Variants in TEX14 observed in about 807,000 individuals in gnomAD.
TEX14 encodes the protein inactive serine/threonine-protein kinase TEX14.
Under a neutral mutation model 178.6 loss-of-function variants are expected in TEX14, and 168 were observed. The observed-to-expected ratio is 0.94, with a 90% CI of 0.83 to 1.07. The LOEUF (loss-of-function observed/expected upper bound fraction) is 1.07. TEX14 is among the 50% of genes least tolerant of loss of function. The pLI, the probability that TEX14 is intolerant of heterozygous loss-of-function variation, is 0.00. For missense variants in TEX14, 1,730 were observed against 1,753.6 expected, an observed-to-expected ratio of 0.99 and a Z score of 0.24; for synonymous variants, 626 against 634.1, an observed-to-expected ratio of 0.99 and a Z score of 0.19.
intron 1 of TEX14, chr17:58,661,307 C>A (rs1174071383): frequency 1.2e-6 from 1 of 826,768 alleles, no homozygotes; most frequent in African/African-American, 1.7e-5. Flanking sequence ...TAGACGCTTA[C>A]GGGGGTTGAC....
In TEX14 at chr17:58,627,422, G is replaced by C. The variant is rs532918528; in HGVS notation, c.251+3018C>G. 2.0e-5 allele frequency among the ~76,000 whole-genome samples: 3 copies of C among 152,176 alleles called. No homozygotes were observed. In the South Asian group the frequency reaches 6.2e-4, roughly 32 times the overall value. On this transcript the variant is annotated intron_variant, in intron 3 of 31. Coordinates refer to ENST00000349033, the MANE Select transcript of TEX14 (RefSeq NM_031272.5). ...CATACAGAATATGAAAGTGATGATGGTCATGACTATATCACTCAAGGCGAT... is the reference window on the plus strand; with the variant it reads ...CATACAGAATATGAAAGTGATGATGCTCATGACTATATCACTCAAGGCGAT...
intron 15 of TEX14, among the ~76,000 whole-genome samples, chr17:58,590,963 C>T (rs533694264): frequency 2.0e-5 from 3 of 151,706 alleles, no homozygotes; most frequent in East Asian, 3.9e-4. Context: ...TTACACATAT[C>T]GTAATTGTCA....
rs533823539 is a variant in TEX14 at position 58,558,275 on chromosome 17, C to A, written c.4268-425G>T. ...GAACAAACAAGGAATGTCAAGGCAT[C>A]CAGTGATTAGCAGCAGTGGGAAGCC... On this transcript the variant is annotated intron_variant, in intron 30 of 31. Coordinates refer to ENST00000349033, the MANE Select transcript of TEX14 (RefSeq NM_031272.5). Among the ~76,000 whole-genome samples the A allele has an allele frequency of 6.5e-4, 99 of 152,262 alleles. 2 individuals are homozygous for A. The South Asian group carries it at 0.015, about 23-fold the overall frequency.
chr17:58,635,955 G>C (rs980191408), intron 2 of TEX14, among the ~76,000 whole-genome samples: 1 of 152,120 alleles, frequency 6.6e-6, no homozygotes, highest in East Asian at 1.9e-4. Flanking sequence ...ATGTTGCCCA[G>C]GCTGGTCTTG....
rs771425209 is a variant in TEX14 at position 58,557,048 on chromosome 17, C to T, written c.4320-1G>A. 11 of 1,613,608 alleles carry T rather than the reference C, an allele frequency of 6.8e-6. No individual in the cohort carries two copies. Among genetic ancestry groups the T allele is most frequent in the Non-Finnish European group, 8.5e-6 (10 of 1,179,602 alleles). ...GTCACTCTGATCCAGCACGATTATCCTATGCACATGTTTTTTAAAGAACAA... is the reference window on the plus strand; with the variant it reads ...GTCACTCTGATCCAGCACGATTATCTTATGCACATGTTTTTTAAAGAACAA... On this transcript the variant is annotated splice_acceptor_variant, in intron 31 of 31. Coordinates refer to ENST00000349033, the MANE Select transcript of TEX14 (RefSeq NM_031272.5). LOFTEE classifies it high-confidence loss of function.
intron 2 of TEX14, among the ~76,000 whole-genome samples, chr17:58,650,399 T>A (rs2046815956): frequency 6.6e-6 from 1 of 152,030 alleles, no homozygotes; most frequent in Admixed American, 6.6e-5. Flanking sequence ...TATGTGGATA[T>A]GTTATGGAGT....
At chr17:58,683,530 A>G (rs1262886310) in intron 1 of TEX14, among the ~76,000 whole-genome samples, 1 of 152,108 alleles carries the variant, frequency 6.6e-6, no homozygotes, top group African/African-American at 2.4e-5. Context: ...TGGGAGGCTG[A>G]GGCAGGCGGA....
intron 5 of TEX14, among the ~76,000 whole-genome samples, chr17:58,618,287 A>G (rs1293236503): frequency 6.6e-6 from 1 of 152,234 alleles, no homozygotes; most frequent in Non-Finnish European, 1.5e-5. Flanking sequence ...GGAAATAACC[A>G]TAAGCACATC....
intron 1 of TEX14, among the ~76,000 whole-genome samples, chr17:58,690,379 T>TG (rs1173004805): frequency 6.6e-6 from 1 of 152,186 alleles, no homozygotes; most frequent in East Asian, 1.9e-4. Context: ...TTGCCCAGGC[T>TG]GGTCTCAAAC....
chr17:58,613,428 T>C lies in TEX14; in HGVS notation c.998A>G (p.His333Arg). The stretch of plus-strand genomic sequence containing the variant: ...ACGGAAACAGCAGTTTACTCGTTCA[T>C]GAAGGACACTGAACAATGTGCCGAT... ...ITIGTLFSVL[H>R]ERRSQFPVLH... The change falls in exon 9 of 32, where the codon CAT (histidine) becomes CGT (arginine). Residue 333 changes from histidine (H) to arginine (R), a missense_variant. Physicochemically the swap from His to Arg is conservative, Grantham distance 29. This residue lies in a region of TEX14 where 789 missense variants were observed against 681.2 expected (regional missense o/e 1.16). Transcript: ENST00000349033. The C allele has an allele frequency of 1.2e-6, 2 of 1,614,052 alleles. No individual in the cohort carries two copies. Among genetic ancestry groups the C allele is most frequent in the Non-Finnish European group, 8.5e-7 (1 of 1,179,958 alleles).
At chr17:58,640,644 T>TGTGAGAGA (rs1555577606) in intron 2 of TEX14, among the ~76,000 whole-genome samples, 1 of 147,052 alleles carries the variant, frequency 6.8e-6, no homozygotes, top group African/African-American at 2.5e-5. Flanking sequence ...TGTGTGTGTG[T>TGTGAGAGA]GAGAGAGAGA....
intron 19 of TEX14, among the ~76,000 whole-genome samples, chr17:58,583,238 ATCC>A (rs757355837): frequency 6.6e-6 from 1 of 151,986 alleles, no homozygotes; most frequent in Non-Finnish European, 1.5e-5. Context: ...GACTCAGGTG[ATCC>A]TCCCACTTCA....
chr17:58,668,979 T>C (rs1041674057), intron 1 of TEX14, among the ~76,000 whole-genome samples: 2 of 152,140 alleles, frequency 1.3e-5, no homozygotes, highest in African/African-American at 4.8e-5. Context: ...CTGTTCTAGG[T>C]AGGCATAAAA....
intron 2 of TEX14, among the ~76,000 whole-genome samples, chr17:58,636,690 G>T (rs1201621488): frequency 2.0e-5 from 3 of 152,066 alleles, no homozygotes; most frequent in Admixed American, 1.3e-4. Flanking sequence ...CACTTTGGGA[G>T]GCACCCGAGG....
At chr17:58,690,483 T>C (rs1235796558) in intron 1 of TEX14, among the ~76,000 whole-genome samples, 2 of 152,196 alleles carry the variant, frequency 1.3e-5, no homozygotes, top group Non-Finnish European at 2.9e-5. Context: ...TTTTGAACTT[T>C]CCACTGTCAA....
intron 9 of TEX14, among the ~76,000 whole-genome samples, chr17:58,612,027 A>G (rs933004104): frequency 6.6e-6 from 1 of 152,128 alleles, no homozygotes; most frequent in Non-Finnish European, 1.5e-5. Flanking sequence ...GTCATGGAGG[A>G]AAAAAACCTA....
At chr17:58,613,770 G>A (rs899287402) in intron 8 of TEX14, among the ~76,000 whole-genome samples, 4 of 152,034 alleles carry the variant, frequency 2.6e-5, no homozygotes, top group Non-Finnish European at 5.9e-5. Flanking sequence ...GGGTTGAAGC[G>A]ATTCTACTGC....
intron 1 of TEX14, among the ~76,000 whole-genome samples, chr17:58,654,628 T>A (rs577608229): frequency 1.3e-5 from 2 of 151,142 alleles, no homozygotes; most frequent in Non-Finnish European, 1.5e-5. Flanking sequence ...GACCTCAGGC[T>A]CCCAAGTAGT....
intron 1 of TEX14, chr17:58,660,746 T>C (rs774601125): frequency 2.6e-6 from 2 of 781,330 alleles, no homozygotes; most frequent in Non-Finnish European, 4.8e-6. Flanking sequence ...GGCTATTCCC[T>C]GATCTGGTAA....
Sources: allele counts gnomAD v4.1 joint callset (sites outside exome capture counted in the v4.1 genomes callset), GRCh38; gene constraint gnomAD v4.1.1; regional missense constraint gnomAD v4.1.1; transcripts MANE v1.5; gene names NCBI Gene and HGNC (gene_info 2026-07-23, HGNC 2026-07-21).